The following CDH13 variants were observed in gnomAD, a reference collection of about 807,000 sequenced individuals.
CDH13 encodes cadherin 13.
Under a neutral mutation model 63.8 loss-of-function variants are expected in CDH13, and 24 were observed. The observed-to-expected ratio is 0.38, with a 90% confidence interval of 0.27 to 0.53. The LOEUF (loss-of-function observed/expected upper bound fraction) is 0.53. CDH13 is among the 20% of genes least tolerant of loss of function. The pLI is 0.85. For missense variants in CDH13, 1,049 were observed against 903.1 expected, an observed-to-expected ratio of 1.16 and a Z score of -2.07; for synonymous variants, 503 against 355.3, an observed-to-expected ratio of 1.42 and a Z score of -4.67.
chr16:83,547,257 G>A (rs1598268818), intron 7 of CDH13, among the ~76,000 whole-genome samples: 1 of 152,212 alleles, frequency 6.6e-6, no homozygotes, highest in Non-Finnish European at 1.5e-5. Context: ...GACCCAGGGG[G>A]ATGTGGGAAG....
chr16:83,209,179 G>T (rs2039265662), intron 4 of CDH13, among the ~76,000 whole-genome samples: 1 of 151,996 alleles, frequency 6.6e-6, no homozygotes, highest in Admixed American at 6.6e-5. Context: ...ACCTGTAAAA[G>T]GCATGCAGTT....
rs911463228 is a variant in CDH13 at position 83,544,676 on chromosome 16, C to T, written c.961-57778C>T. Among the ~76,000 whole-genome samples the T allele has an allele frequency of 2.0e-5, 3 of 152,206 alleles. No individual in the cohort carries two copies. The East Asian group carries it at 5.8e-4, about 29-fold the overall frequency. ...TACAGTTTCTATTGAATGCATATCACTTTCATACTATTGTGAAGTCAAAAA... is the reference window on the plus strand; with the variant it reads ...TACAGTTTCTATTGAATGCATATCATTTTCATACTATTGTGAAGTCAAAAA... On this transcript the variant is annotated intron_variant, in intron 7 of 13. Coordinates refer to ENST00000567109, the MANE Select transcript of CDH13 (RefSeq NM_001257.5).
intron 6 of CDH13, among the ~76,000 whole-genome samples, chr16:83,420,814 G>GCTCC (rs2151470002): frequency 6.6e-6 from 1 of 152,318 alleles, no homozygotes; most frequent in East Asian, 1.9e-4. Context: ...AGGCCCGAGA[G>GCTCC]CTCCTGGCAA....
At chr16:83,226,012 C>T (rs1331365936) in intron 5 of CDH13, among the ~76,000 whole-genome samples, 4 of 152,168 alleles carry the variant, frequency 2.6e-5, no homozygotes. Context: ...CTAATGCCTC[C>T]TTGGACACAA....
chr16:83,312,731 A>C (rs2090027218), intron 5 of CDH13, among the ~76,000 whole-genome samples: 1 of 152,208 alleles, frequency 6.6e-6, no homozygotes, highest in African/African-American at 2.4e-5. Flanking sequence ...CACACCATGT[A>C]ATTACATAAA....
chr16:83,097,729 C>T (rs1435575384), intron 3 of CDH13, among the ~76,000 whole-genome samples: 4 of 152,166 alleles, frequency 2.6e-5, no homozygotes, highest in South Asian at 2.1e-4. Flanking sequence ...AAAATTTGTT[C>T]GTAAAGAGCA....
intron 1 of CDH13, among the ~76,000 whole-genome samples, chr16:82,795,970 A>C (rs2036562764): frequency 6.6e-6 from 1 of 150,554 alleles, no homozygotes; most frequent in African/African-American, 2.5e-5. Context: ...TTCATTCAAC[A>C]AACATTTATT....
chr16:83,052,289 C>T (rs910667767), intron 3 of CDH13, among the ~76,000 whole-genome samples: 1 of 152,140 alleles, frequency 6.6e-6, no homozygotes, highest in Non-Finnish European at 1.5e-5. Flanking sequence ...AGACTGTCAA[C>T]ATTTCTTTGG....
chr16:82,960,188 A>C (rs1232060137), intron 2 of CDH13, among the ~76,000 whole-genome samples: 1 of 152,180 alleles, frequency 6.6e-6, no homozygotes, highest in Non-Finnish European at 1.5e-5. Context: ...AGAGAGAGTC[A>C]AAGCATGGGT....
chr16:82,650,501 C>A (rs928336911), intron 1 of CDH13, among the ~76,000 whole-genome samples: 1 of 152,186 alleles, frequency 6.6e-6, no homozygotes, highest in South Asian at 2.1e-4. Context: ...GTCCTAAAAG[C>A]CTCATTAACC....
intron 2 of CDH13, among the ~76,000 whole-genome samples, chr16:82,955,352 C>T (rs1021395357): frequency 2.6e-5 from 4 of 152,164 alleles, no homozygotes; most frequent in Non-Finnish European, 4.4e-5. Flanking sequence ...AGGATGTTAT[C>T]GGTACATGAT....
At chr16:83,783,654 A>G (rs569937436) in intron 13 of CDH13, among the ~76,000 whole-genome samples, 182 bp downstream of exon 13, 1 of 152,222 alleles carries the variant, frequency 6.6e-6, no homozygotes, top group Non-Finnish European at 1.5e-5. Flanking sequence ...TGATGTTTAA[A>G]GGCATCTTAA....
chr16:82,681,338 G>T (rs1487333635), intron 1 of CDH13, among the ~76,000 whole-genome samples: 1 of 152,206 alleles, frequency 6.6e-6, no homozygotes, highest in Admixed American at 6.5e-5. Flanking sequence ...ATTGCCAGGG[G>T]CGTGGAGGAG....
Position 83,602,967 on chromosome 16 carries a change from G to C in CDH13, c.1101+373G>C, listed in dbSNP as rs888235209. 2.6e-5 allele frequency among the ~76,000 whole-genome samples: 4 copies of C among 152,306 alleles called. No individual in the cohort carries two copies. In the South Asian group the frequency reaches 6.2e-4, roughly 24 times the overall value. ...TTTTCCAGCAAGTGCAGATTGAGAG[G>C]CCAGACGGAACAGTAGCAAGGAGGT... On this transcript the variant is annotated intron_variant, in intron 8 of 13. Coordinates refer to ENST00000567109, the MANE Select transcript of CDH13 (RefSeq NM_001257.5).
rs952777031 is a variant in CDH13 at position 83,343,948 on chromosome 16, G to A, written c.637-914G>A. Among the ~76,000 whole-genome samples the A allele has an allele frequency of 2.6e-5, 4 of 152,288 alleles. 1 individual carries two copies. The highest frequency in any genetic ancestry group is 6.8e-3 in the Middle Eastern group (2 of 294). ...TGTTTGTTATTATTCCTAATAATGA[G>A]TGTTTTTGTTAACCCCACTTACAGA... On this transcript the variant is annotated intron_variant, in intron 5 of 13. Transcript: ENST00000567109.
At chr16:83,422,168 G>T (rs1478747655) in intron 6 of CDH13, among the ~76,000 whole-genome samples, 1 of 152,106 alleles carries the variant, frequency 6.6e-6, no homozygotes, top group South Asian at 2.1e-4. Context: ...CCTTTAATTA[G>T]ATATTCTAGA....
intron 1 of CDH13, among the ~76,000 whole-genome samples, chr16:82,726,476 C>G (rs970740033): frequency 2.0e-5 from 3 of 152,180 alleles, no homozygotes; most frequent in African/African-American, 7.2e-5. Flanking sequence ...AAGATAAAAA[C>G]CATTCTTTTC....
chr16:82,870,341 A>T (rs1044723376), intron 2 of CDH13, among the ~76,000 whole-genome samples: 1 of 152,116 alleles, frequency 6.6e-6, no homozygotes, highest in African/African-American at 2.4e-5. Flanking sequence ...GGGTGGAGAA[A>T]AGGAAACCCT....
chr16:83,662,905 G>A (rs1308763143), intron 8 of CDH13, among the ~76,000 whole-genome samples: 1 of 152,134 alleles, frequency 6.6e-6, no homozygotes, highest in Non-Finnish European at 1.5e-5. Context: ...AGCAGGACTG[G>A]GAAACCAGTC....
Sources: gnomAD v4.1 joint callset for allele counts (sites outside exome capture counted in the v4.1 genomes callset) on GRCh38, gnomAD v4.1.1 for gene constraint, MANE v1.5 for transcripts, NCBI Gene and HGNC (gene_info 2026-07-23, HGNC 2026-07-21) for gene names.